The following ASTN1 variants were observed in gnomAD, a reference collection of about 807,000 sequenced individuals.
The protein encoded by ASTN1 is astrotactin 1.
In ASTN1, 41 loss-of-function variants were observed where a neutral mutation model predicts 140.7. The ratio of observed to expected loss-of-function variants is 0.29; its 90% CI spans 0.23 to 0.38. The LOEUF (loss-of-function observed/expected upper bound fraction) is 0.38, where lower values mean the gene tolerates loss of function less well. ASTN1 is among the 10% of genes least tolerant of loss of function. The pLI is 1.00. For synonymous variants in ASTN1, 640 were observed against 652.2 expected (o/e 0.98, Z 0.29); for missense variants, 1,479 against 1,678.8 (o/e 0.88, Z 2.08).
At chr1:176,956,237 C>A (rs1428674553) in intron 11 of ASTN1, among the ~76,000 whole-genome samples, 3 of 152,170 alleles carry the variant, frequency 2.0e-5, no homozygotes, top group African/African-American at 7.2e-5. Flanking sequence ...CTCCTACTTG[C>A]CCCTCAGTGC....
intron 17 of ASTN1, among the ~76,000 whole-genome samples, chr1:176,890,118 C>G (rs892874727): frequency 6.6e-6 from 1 of 152,196 alleles, no homozygotes; most frequent in Non-Finnish European, 1.5e-5. Flanking sequence ...GCACAAGACA[C>G]CTGTGGCCCC....
intron 1 of ASTN1, among the ~76,000 whole-genome samples, chr1:177,094,105 T>C (rs1356683233): frequency 6.6e-6 from 1 of 152,200 alleles, no homozygotes; most frequent in Non-Finnish European, 1.5e-5. Flanking sequence ...ATGATCACCA[T>C]TGTCATTTCA....
chr1:177,023,974 T>G (rs1055462950), intron 6 of ASTN1, among the ~76,000 whole-genome samples: 1 of 152,182 alleles, frequency 6.6e-6, no homozygotes, highest in Non-Finnish European at 1.5e-5. Flanking sequence ...GCAGGCCCTC[T>G]AACACTGCGT....
At chr1:177,039,957 A>G (rs1446994638) in intron 2 of ASTN1, among the ~76,000 whole-genome samples, 4 of 152,166 alleles carry the variant, frequency 2.6e-5, no homozygotes, top group African/African-American at 7.2e-5. Context: ...CTCTTCCCCA[A>G]TTGCACACAA....
intron 20 of ASTN1, among the ~76,000 whole-genome samples, chr1:176,879,380 T>G (rs1353638297): frequency 6.6e-6 from 1 of 152,204 alleles, no homozygotes; most frequent in African/African-American, 2.4e-5. Context: ...CTGGGCCACA[T>G]GATGCTGCCT....
At chr1:176,883,389 T>C (rs1235412944) in intron 19 of ASTN1, among the ~76,000 whole-genome samples, 1 of 152,016 alleles carries the variant, frequency 6.6e-6, no homozygotes, top group Admixed American at 6.5e-5. Context: ...CATGCCGGGG[T>C]TTCACCATGT....
chr1:177,039,734 C>T (rs1191687866), intron 2 of ASTN1, among the ~76,000 whole-genome samples: 5 of 152,326 alleles, frequency 3.3e-5, no homozygotes, highest in African/African-American at 7.2e-5. Context: ...GTAAGAAATG[C>T]ATGACTCTTC....
chr1:177,030,936 C>T lies in ASTN1; in HGVS notation c.882G>A (p.Lys294=), dbSNP rs763846047. 2 of 1,613,256 alleles carry T rather than the reference C, an allele frequency of 1.2e-6. No homozygotes were observed. Among genetic ancestry groups the T allele is most frequent in the South Asian group, 2.2e-5 (2 of 90,966 alleles). The part of the protein sequence containing the change: ...MDLTPGSDNA[K]LSLMNKYKDN... ...CTTTATACTTGTTCATCAGTGACAG[C>T]TTGGCATTGTCACTTCCTGTATAAG... Residue 294 remains lysine, a synonymous_variant, in exon 4 of 23, where the codon AAG becomes AAA. Coordinates refer to ENST00000361833, the MANE Select transcript of ASTN1 (RefSeq NM_004319.3).
chr1:177,061,292 G>A (rs372617212), intron 1 of ASTN1, 27 bp from the exon 2 acceptor site: 3 of 1,475,190 alleles, frequency 2.0e-6, no homozygotes. Flanking sequence ...AAAGGCACAG[G>A]TGAGAATTAG....
At chr1:176,943,386 G>T (rs1671821629) in intron 14 of ASTN1, among the ~76,000 whole-genome samples, 1 of 152,114 alleles carries the variant, frequency 6.6e-6, no homozygotes, top group South Asian at 2.1e-4. Flanking sequence ...GGACCATGAG[G>T]CCACATGAGA....
Position 176,942,818 on chromosome 1 carries a change from GTGTATATATATATATATGTATATATATA to G in ASTN1, c.2377+1045_2377+1072del, listed in dbSNP as rs1369237909. Reference sequence around the variant, plus strand: ...GACCAAACCAATGTACTTTGTGTGTGTGTATATATATATATATGTATATATATATATATATATATATATATATAGATTG... The same window carrying G: ...GACCAAACCAATGTACTTTGTGTGTGTATATATATATATATATATAGATTG... On this transcript the variant is annotated intron_variant, in intron 14 of 22. Coordinates refer to ENST00000361833, the MANE Select transcript of ASTN1 (RefSeq NM_004319.3). 4.2e-3 allele frequency among the ~76,000 whole-genome samples: 135 copies of G among 31,954 alleles called. 6 individuals carry two copies. The highest frequency in any genetic ancestry group is 0.013 in the African/African-American group (121 of 9,160). The allele number at this position is 31,954 out of a possible 152,430, so 21.0% of individuals were successfully genotyped here. A position where few individuals can be genotyped will look rare whatever the true frequency, so the allele number is the denominator to read the frequency against.
intron 8 of ASTN1, among the ~76,000 whole-genome samples, chr1:177,005,588 A>G (rs991024874): frequency 1.3e-5 from 2 of 152,202 alleles, no homozygotes; most frequent in Non-Finnish European, 2.9e-5. Flanking sequence ...GTGCTCATCA[A>G]CTGATGAGTG....
chr1:177,091,860 G>A (rs563974803), intron 1 of ASTN1, among the ~76,000 whole-genome samples: 5 of 151,990 alleles, frequency 3.3e-5, no homozygotes, highest in South Asian at 2.1e-4. Context: ...AGCACGTATC[G>A]GCACTTCACT....
intron 8 of ASTN1, chr1:176,976,252 C>T (rs1673357204): frequency 6.6e-6 from 1 of 152,200 alleles, no homozygotes; most frequent in South Asian, 2.1e-4. Context: ...CCCACCTATG[C>T]ACACATACAC....
chr1:177,011,754 C>T (rs529573980), intron 8 of ASTN1, among the ~76,000 whole-genome samples: 14 of 151,976 alleles, frequency 9.2e-5, no homozygotes, highest in Non-Finnish European at 1.6e-4. Context: ...AACACACACA[C>T]ATGCACATTC....
intron 16 of ASTN1, among the ~76,000 whole-genome samples, chr1:176,912,363 T>C (rs1670283550): frequency 2.0e-5 from 3 of 152,208 alleles, no homozygotes; most frequent in Non-Finnish European, 2.9e-5. Context: ...TATTTATGGA[T>C]GGTAAAATTT....
chr1:176,894,453 C>T (rs975317386), intron 17 of ASTN1, 109 bp downstream of exon 17: 26 of 1,391,648 alleles, frequency 1.9e-5, no homozygotes, highest in Non-Finnish European at 2.5e-5. Flanking sequence ...GCCTCACTAT[C>T]CATATTCTAG....
At chr1:176,875,627 A>G (rs1327693052) in intron 21 of ASTN1, among the ~76,000 whole-genome samples, 4 of 152,174 alleles carry the variant, frequency 2.6e-5, no homozygotes, top group African/African-American at 9.7e-5. Context: ...CCTCCTGTCA[A>G]TCTAATACAC....
chr1:177,140,790 T>C (rs755668443), intron 1 of ASTN1, among the ~76,000 whole-genome samples: 1 of 152,258 alleles, frequency 6.6e-6, no homozygotes, highest in Non-Finnish European at 1.5e-5. Flanking sequence ...TGAGACCTCA[T>C]AGTCCTCTAG....
Sources: gnomAD v4.1 joint callset for allele counts (sites outside exome capture counted in the v4.1 genomes callset) on GRCh38, gnomAD v4.1.1 for gene constraint, MANE v1.5 for transcripts, NCBI Gene and HGNC (gene_info 2026-07-23, HGNC 2026-07-21) for gene names.